Variants in GNAQ observed in about 807,000 individuals in gnomAD.
The protein encoded by GNAQ is guanine nucleotide-binding protein G(q) subunit alpha.
Under a neutral mutation model 43.9 loss-of-function variants are expected in GNAQ, and 8 were observed. That is an observed-to-expected ratio of 0.18 (90% CI 0.11 to 0.33). The LOEUF is 0.33. Among genes scored for constraint, GNAQ ranks in the 10% least tolerant of loss-of-function variants. GNAQ has a pLI of 1.00. For missense variants in GNAQ, 158 were observed against 450.8 expected (o/e 0.35, Z 5.88); for synonymous variants, 155 against 170.7 (o/e 0.91, Z 0.71).
chr9:77,991,330 G>T (rs1223152999), intron 1 of GNAQ, among the ~76,000 whole-genome samples: 1 of 152,120 alleles, frequency 6.6e-6, no homozygotes, highest in African/African-American at 2.4e-5. Flanking sequence ...TTAGCATACA[G>T]AATGTATTTA....
chr9:77,914,569 G>A (rs1828863846), intron 2 of GNAQ, among the ~76,000 whole-genome samples: 1 of 152,176 alleles, frequency 6.6e-6, no homozygotes, highest in Non-Finnish European at 1.5e-5. Flanking sequence ...GGCTGAGGCA[G>A]GAGAATCGCT....
At chr9:77,832,793 T>C (rs1827321017) in intron 2 of GNAQ, among the ~76,000 whole-genome samples, 1 of 152,074 alleles carries the variant, frequency 6.6e-6, no homozygotes, top group African/African-American at 2.4e-5. Context: ...GTCAGATTAT[T>C]CACTGCACAA....
intron 4 of GNAQ, among the ~76,000 whole-genome samples, chr9:77,795,744 T>G (rs1259141424): frequency 6.6e-6 from 1 of 152,170 alleles, no homozygotes; most frequent in Non-Finnish European, 1.5e-5. Flanking sequence ...AATGCCAAGG[T>G]GTGAATAATA....
chr9:77,836,856 A>C (rs779402887), intron 2 of GNAQ, among the ~76,000 whole-genome samples: 1 of 152,224 alleles, frequency 6.6e-6, no homozygotes, highest in Non-Finnish European at 1.5e-5. Context: ...ACAGTGTAAA[A>C]AAATATAACC....
chr9:77,758,404 A>C (rs144348617), intron 5 of GNAQ, among the ~76,000 whole-genome samples: 102 of 152,344 alleles, frequency 6.7e-4, no homozygotes, highest in African/African-American at 2.2e-3. Flanking sequence ...CACAGTATTA[A>C]TAAGAAAAAC....
chr9:77,748,217 A>G (rs1289723125), intron 5 of GNAQ, among the ~76,000 whole-genome samples: 1 of 152,240 alleles, frequency 6.6e-6, no homozygotes, highest in East Asian at 1.9e-4. Flanking sequence ...TTACTTCAAT[A>G]TTCATCTTTT....
rs17196494 is a variant in GNAQ, at chr9:78,006,231, A to T, written c.136+24869T>A. 9.9e-4 allele frequency among the ~76,000 whole-genome samples: 151 copies of T among 152,336 alleles called. No individual in the cohort carries two copies. The East Asian group carries it at 0.024, about 24-fold the overall frequency. On this transcript the variant is annotated intron_variant, in intron 1 of 6. Coordinates refer to ENST00000286548, the MANE Select transcript of GNAQ (RefSeq NM_002072.5). ...TCTAATCTGTCAGTTAATTTCAGAGAATAACACAACATAAAACAAATCCAT... is the reference window on the plus strand; with the variant it reads ...TCTAATCTGTCAGTTAATTTCAGAGTATAACACAACATAAAACAAATCCAT...
At chr9:77,956,973 T>A (rs983564115) in intron 1 of GNAQ, among the ~76,000 whole-genome samples, 1 of 152,148 alleles carries the variant, frequency 6.6e-6, no homozygotes. Flanking sequence ...GTAAGAATAT[T>A]CTGAAGCAGT....
At chr9:77,753,459 T>C (rs1825849471) in intron 5 of GNAQ, among the ~76,000 whole-genome samples, 1 of 152,224 alleles carries the variant, frequency 6.6e-6, no homozygotes, top group Non-Finnish European at 1.5e-5. Flanking sequence ...ACTTTCCTTC[T>C]AGATAACTCT....
chr9:77,755,675 G>A (rs1162472124), intron 5 of GNAQ, among the ~76,000 whole-genome samples: 3 of 152,122 alleles, frequency 2.0e-5, no homozygotes, highest in East Asian at 1.9e-4. Flanking sequence ...TTTAAGTATC[G>A]TTAACTTTAT....
chr9:77,831,365 A>C (rs934362421), intron 2 of GNAQ, among the ~76,000 whole-genome samples: 1 of 152,256 alleles, frequency 6.6e-6, no homozygotes, highest in African/African-American at 2.4e-5. Context: ...AAGGCAGTCT[A>C]CACTGGGCAT....
At chr9:77,968,813 A>G (rs1395790116) in intron 1 of GNAQ, among the ~76,000 whole-genome samples, 1 of 152,236 alleles carries the variant, frequency 6.6e-6, no homozygotes, top group African/African-American at 2.4e-5. Flanking sequence ...AGAATACCAG[A>G]GCCAGAATTC....
chr9:77,949,970 T>C (rs1822955668), intron 1 of GNAQ, among the ~76,000 whole-genome samples: 5 of 152,136 alleles, frequency 3.3e-5, no homozygotes, highest in Admixed American at 3.3e-4. Context: ...CCATCTGGTG[T>C]AAAACAACCC....
At chr9:77,760,387 T>G (rs1332125024) in intron 5 of GNAQ, among the ~76,000 whole-genome samples, 4 of 152,112 alleles carry the variant, frequency 2.6e-5, no homozygotes, top group African/African-American at 9.7e-5. Context: ...TCGTATTTTT[T>G]TGGTGGAGAC....
At chr9:77,785,503 TA>T (rs1304671228) in intron 5 of GNAQ, among the ~76,000 whole-genome samples, 1 of 152,202 alleles carries the variant, frequency 6.6e-6, no homozygotes, top group Non-Finnish European at 1.5e-5. Context: ...TGAACATATG[TA>T]TTCCCTGTGA....
intron 1 of GNAQ, among the ~76,000 whole-genome samples, chr9:77,955,990 G>C (rs1823035987): frequency 1.3e-5 from 2 of 152,080 alleles, no homozygotes; most frequent in African/African-American, 4.8e-5. Context: ...TCTATGAATA[G>C]GGCACATATA....
chr9:77,921,788 C>T (rs1829000336), intron 2 of GNAQ, among the ~76,000 whole-genome samples: 1 of 152,116 alleles, frequency 6.6e-6, no homozygotes, highest in Non-Finnish European at 1.5e-5. Flanking sequence ...TATTAAAAAG[C>T]AAGGCCACCA....
At chr9:77,820,160 G>T (rs897105881) in intron 2 of GNAQ, among the ~76,000 whole-genome samples, 3 of 146,944 alleles carry the variant, frequency 2.0e-5, no homozygotes, top group Non-Finnish European at 4.5e-5. Flanking sequence ...CTAGATTCTT[G>T]TGACATTGGG....
At position 78,003,521 on chromosome 9, in the gene GNAQ, A is replaced by T. The variant is rs1196447538; in HGVS notation, c.136+27579T>A. Among the ~76,000 whole-genome samples the T allele has an allele frequency of 3.3e-5, 5 of 152,176 alleles. No individual in the cohort carries two copies. In the South Asian group the frequency reaches 8.3e-4, roughly 25 times the overall value. On this transcript the variant is annotated intron_variant, in intron 1 of 6. Coordinates refer to ENST00000286548, the MANE Select transcript of GNAQ (RefSeq NM_002072.5). ...TTTATCTTAGACACTGAGACTAAAA[A>T]TGACAAGCTGCGGCCGGACACAGTG...
Sources: allele counts gnomAD v4.1 joint callset (sites outside exome capture counted in the v4.1 genomes callset), GRCh38; gene constraint gnomAD v4.1.1; transcripts MANE v1.5; gene names NCBI Gene and HGNC (gene_info 2026-07-23, HGNC 2026-07-21).